The following RHOT2 variants were observed in gnomAD, a reference collection of about 807,000 sequenced individuals.
The protein encoded by RHOT2 is mitochondrial Rho GTPase 2.
RHOT2 carries 90 observed loss-of-function variants against 81.6 expected under a neutral mutation model. The observed-to-expected ratio is 1.10, with a 90% CI of 0.93 to 1.31. The LOEUF is 1.31. Ranked by LOEUF, RHOT2 falls within the 40% of genes most tolerant of loss-of-function variation. The probability of loss-of-function intolerance (pLI) is 0.00; values close to 1 mark genes in which losing one functional copy is unlikely to be tolerated. For missense variants in RHOT2, 1,014 were observed against 841.9 expected (o/e 1.20, Z -2.53); for synonymous variants, 512 against 370.9 (o/e 1.38, Z -4.37).
chr16:672,991 G>T lies in RHOT2; in HGVS notation c.1591G>T (p.Gly531Cys). The change falls in exon 18 of 19, where the codon GGT becomes TGT. Residue 531 changes from glycine (G) to cysteine (C), a missense_variant. Coordinates refer to ENST00000315082, the MANE Select transcript of RHOT2 (RefSeq NM_138769.3). ...CTCCTCCAAGGCCGACCTGCCCGAA[G>T]GTGTCGCGGTGTCTGGCCCATCACC... ...FVSSKADLPE[G>C]VAVSGPSPAE... 4 of 1,612,746 alleles carry T rather than the reference G, an allele frequency of 2.5e-6. No homozygotes were observed. In the South Asian group the frequency reaches 4.4e-5, roughly 18 times the overall value.
In RHOT2 at chr16:670,719, C is replaced by G. The variant is rs1253278657; in HGVS notation, c.585C>G (p.Leu195=). ...CAQALTRIFR[L]SDQDLDQALS... ...AGGCGCTGACGCGCATCTTCAGGCT[C>G]TCAGATCAGGACCTGGACCAGGCGC... The change falls in exon 9 of 19, where the codon CTC becomes CTG. Residue 195 remains leucine (L), a synonymous_variant. Coordinates refer to ENST00000315082, the MANE Select transcript of RHOT2 (RefSeq NM_138769.3). 1 of 1,612,484 alleles carries G rather than the reference C, an allele frequency of 6.2e-7. No individual in the cohort carries two copies. Among genetic ancestry groups the G allele is most frequent in the Non-Finnish European group, 8.5e-7 (1 of 1,179,940 alleles).
In RHOT2 at chr16:670,533, C is replaced by G. The variant is rs144553369; in HGVS notation, c.516C>G (p.Pro172=). The change falls in exon 8 of 19, where the codon CCC becomes CCG. Residue 172 remains proline (P), a synonymous_variant. Coordinates refer to ENST00000315082, the MANE Select transcript of RHOT2 (RefSeq NM_138769.3). ...AQKAVLHPTA[P]LYDPEAKQLR... is the part of the protein sequence containing the mutation. ...AGGCCGTCCTGCATCCCACAGCCCC[C>G]CTCTATGACCCTGAGGCCAAGCAGG... The G allele has an allele frequency of 1.5e-5, 24 of 1,607,184 alleles. No individual in the cohort carries two copies. Among genetic ancestry groups the G allele is most frequent in the South Asian group, 2.2e-5 (2 of 90,270 alleles).
At chr16:669,059 G>C (rs2038438014) in intron 4 of RHOT2, 1 of 411,968 alleles carries the variant, frequency 2.4e-6, no homozygotes, top group African/African-American at 2.1e-5. Flanking sequence ...CAGAGCACGT[G>C]TGCCGGGGAC....
Position 670,752 on chromosome 16 carries a change from C to T in RHOT2, c.618C>T (p.Asp206=), listed in dbSNP as rs530042364. The T allele has an allele frequency of 3.1e-6, 5 of 1,612,170 alleles. No homozygotes were observed. Among genetic ancestry groups the T allele is most frequent in the South Asian group, 2.2e-5 (2 of 91,086 alleles). ...AGGACCTGGACCAGGCGCTCAGTGA[C>T]GAAGAGCTCAACGCTTTCCAGGTGT... is the stretch of plus-strand genomic sequence containing the variant. The part of the protein sequence containing the change: ...SDQDLDQALS[D]EELNAFQKSC... Residue 206 remains aspartate (D), a synonymous_variant, in exon 9 of 19, where the codon GAC becomes GAT. Coordinates refer to ENST00000315082, the MANE Select transcript of RHOT2 (RefSeq NM_138769.3).
Position 672,303 on chromosome 16 carries a change from C to CGTCCTCCTGTGCAAG in RHOT2, c.1248_1262dup (p.Leu417_Val421dup). On this transcript the variant is annotated inframe_insertion, in exon 15 of 19. Transcript: ENST00000315082. ...AGGAGAAGGGACAGACGCAGCGGAGCGTCCTCCTGTGCAAGGTGGTAGGGG... is the reference window on the plus strand; with the variant it reads ...AGGAGAAGGGACAGACGCAGCGGAGCGTCCTCCTGTGCAAGGTCCTCCTGTGCAAGGTGGTAGGGG... The CGTCCTCCTGTGCAAG allele has an allele frequency of 6.2e-7, 1 of 1,612,352 alleles. No homozygotes were observed. Among genetic ancestry groups the CGTCCTCCTGTGCAAG allele is most frequent in the East Asian group, 2.2e-5 (1 of 44,874 alleles).
chr16:673,088 G>A lies in RHOT2; in HGVS notation c.1688G>A (p.Ser563Asn), dbSNP rs1567263045. The part of the protein sequence containing the change: ...PFSCAGPAEP[S>N]TTIFTQLATM... ...TCCTGTGCTGGCCCAGCCGAGCCCA[G>A]CACCACCATCTTCACCCAGCTCGCC... Residue 563 changes from serine (S) to asparagine (N), a missense_variant, in exon 18 of 19, where the codon AGC becomes AAC. Physicochemically the swap from Ser to Asn is conservative, Grantham distance 46 (BLOSUM62 1). Coordinates refer to ENST00000315082, the MANE Select transcript of RHOT2 (RefSeq NM_138769.3). 3 of 1,611,726 alleles carry A rather than the reference G, an allele frequency of 1.9e-6. No homozygotes were observed. Among genetic ancestry groups the A allele is most frequent in the Non-Finnish European group, 2.5e-6 (3 of 1,179,930 alleles).
intron 11 of RHOT2, 57 bp downstream of exon 11, chr16:671,260 G>A (rs570317324): frequency 4.8e-5 from 72 of 1,507,812 alleles, no homozygotes; most frequent in Non-Finnish European, 5.9e-5. Context: ...GCTGACTGCC[G>A]ACTATCTCTC....
At position 669,776 on chromosome 16, in the gene RHOT2, C is replaced by A. The variant is rs183812221; in HGVS notation, c.276+170C>A. ...GCCCTCTCCTGTGATCCCACTTCCC[C>A]TGAGAGGGTCTGGGGCGTCCCGCAG... On this transcript the variant is annotated intron_variant, in intron 5 of 18. Coordinates refer to ENST00000315082, the MANE Select transcript of RHOT2 (RefSeq NM_138769.3). 684 of 694,454 alleles carry A rather than the reference C, an allele frequency of 9.8e-4. 7 individuals carry two copies. In the African/African-American group the frequency reaches 0.011, roughly 11 times the overall value. 43.0% of individuals were successfully genotyped at this position (694,454 alleles called of 1,614,324 possible).
chr16:673,105 C>G lies in RHOT2; in HGVS notation c.1705C>G (p.Gln569Glu), dbSNP rs2039253906. 1 of 1,611,484 alleles carries G rather than the reference C, an allele frequency of 6.2e-7. No homozygotes were observed. The highest frequency in any genetic ancestry group is 8.5e-7 in the Non-Finnish European group (1 of 1,179,890). The change falls in exon 18 of 19, where the codon CAG (glutamine) becomes GAG (glutamate). Residue 569 changes from glutamine (Q) to glutamate (E), a missense_variant. Gln to Glu is a conservative substitution (Grantham distance 29). Coordinates refer to ENST00000315082, the MANE Select transcript of RHOT2 (RefSeq NM_138769.3). Reference sequence around the variant, plus strand: ...CGAGCCCAGCACCACCATCTTCACCCAGCTCGCCACCATGGCCGCCTTCCC... The same window carrying G: ...CGAGCCCAGCACCACCATCTTCACCGAGCTCGCCACCATGGCCGCCTTCCC... ...PAEPSTTIFT[Q>E]LATMAAFPHL...
rs1308250655 is a variant in RHOT2, at chr16:670,763, A to G, written c.629A>G (p.Asn210Ser). 6 of 1,612,032 alleles carry G rather than the reference A, an allele frequency of 3.7e-6. No homozygotes were observed. Among genetic ancestry groups the G allele is most frequent in the South Asian group, 2.2e-5 (2 of 91,080 alleles). Residue 210 changes from asparagine (N) to serine (S), a missense_variant, in exon 9 of 19, where the codon AAC (asparagine) becomes AGC (serine). Asn to Ser is a conservative substitution (Grantham distance 46, BLOSUM62 1). Transcript: ENST00000315082. ...LDQALSDEEL[N>S]AFQKSCFGHP... ...CAGGCGCTCAGTGACGAAGAGCTCA[A>G]CGCTTTCCAGGTGTGCCCCTGCCCC...
At chr16:672,437 G>A in intron 15 of RHOT2, 52 bp from the exon 16 acceptor site, 1 of 1,609,960 alleles carries the variant, frequency 6.2e-7, no homozygotes, top group Non-Finnish European at 8.5e-7. Flanking sequence ...GCAGGGCAGG[G>A]CAATCTGGGG....
Position 668,526 on chromosome 16 carries a change from C to T in RHOT2, c.135C>T (p.Asp45=), listed in dbSNP as rs1375269388. Residue 45 remains aspartate (D), a synonymous_variant, in exon 3 of 19, where the codon GAC becomes GAT. Transcript: ENST00000315082. ...CGGAGGAGATCACCATCCCCGCGGA[C>T]GTCACCCCGGAGAAGGTGCCCACCC... ...PRAEEITIPA[D]VTPEKVPTHI... The T allele has an allele frequency of 1.2e-6, 2 of 1,610,114 alleles. No homozygotes were observed. The highest frequency in any genetic ancestry group is 1.7e-6 in the Non-Finnish European group (2 of 1,178,890).
Position 671,202 on chromosome 16 carries a change from C to A in RHOT2, c.868C>A (p.Leu290Met). The part of the protein sequence containing the change: ...LELTADYLSP[L>M]IHVPPGCSTE... ...GCTGACTGCGGACTATCTCTCCCCT[C>A]TGTGAGTGATGCCGGGGCTTGAGGC... The change falls in exon 11 of 19, where the codon CTG becomes ATG. Residue 290 changes from leucine to methionine, a missense_variant and splice_region_variant. Physicochemically the swap from Leu to Met is conservative, Grantham distance 15. Coordinates refer to ENST00000315082, the MANE Select transcript of RHOT2 (RefSeq NM_138769.3). 7 of 1,547,462 alleles carry A rather than the reference C, an allele frequency of 4.5e-6. No individual in the cohort carries two copies. Among genetic ancestry groups the A allele is most frequent in the Non-Finnish European group, 6.1e-6 (7 of 1,145,172 alleles).
intron 15 of RHOT2, 38 bp downstream of exon 15, chr16:672,422 C>CA (rs1567257328): frequency 4.4e-6 from 7 of 1,606,932 alleles, no homozygotes; most frequent in Non-Finnish European, 5.9e-6. Context: ...CCAGGGGCTC[C>CA]AGGGGCAGGG....
In RHOT2 at chr16:670,756, G is replaced by A; in HGVS notation, c.622G>A (p.Glu208Lys). 6.2e-7 allele frequency: 1 copy of A among 1,612,250 alleles called. No homozygotes were observed. Among genetic ancestry groups the A allele is most frequent in the Non-Finnish European group, 8.5e-7 (1 of 1,179,932 alleles). The change falls in exon 9 of 19, where the codon GAG (glutamate) becomes AAG (lysine). Residue 208 changes from glutamate (E) to lysine (K), a missense_variant. Glu to Lys is a moderately conservative substitution (Grantham distance 56). Transcript: ENST00000315082. ...CCTGGACCAGGCGCTCAGTGACGAA[G>A]AGCTCAACGCTTTCCAGGTGTGCCC... Reference protein sequence around the residue: ...QDLDQALSDEELNAFQKSCFG... With the variant: ...QDLDQALSDEKLNAFQKSCFG...
In RHOT2 at chr16:668,694, C is replaced by T. The variant is rs772340128; in HGVS notation, c.217C>T (p.His73Tyr). The change falls in exon 4 of 19, where the codon CAC becomes TAC. Residue 73 changes from histidine to tyrosine, a missense_variant. Transcript: ENST00000315082. Reference sequence around the variant, plus strand: ...GGACGAGGAGCTGCGGGAGGAGATCCACAAGGTACCCGTGGTGCGCGGGAC... The same window carrying T: ...GGACGAGGAGCTGCGGGAGGAGATCTACAAGGTACCCGTGGTGCGCGGGAC... ...QTDEELREEI[H>Y]KANVVCVVYD... 1.9e-6 allele frequency: 3 copies of T among 1,600,984 alleles called. No individual in the cohort carries two copies. The highest frequency in any genetic ancestry group is 2.2e-5 in the South Asian group (2 of 89,406).
rs1010822907 is a variant in RHOT2 at position 670,443 on chromosome 16, C to G, written c.439-13C>G. 3 of 1,605,340 alleles carry G rather than the reference C, an allele frequency of 1.9e-6. No homozygotes were observed. The highest frequency in any genetic ancestry group is 2.6e-6 in the Non-Finnish European group (3 of 1,175,700). The stretch of plus-strand genomic sequence containing the variant: ...CTCGGGGCACTTCCCTGAGGCTGTT[C>G]CCACTTTCCCAGTGTTCGGCCAAGA... On this transcript the variant is annotated splice_polypyrimidine_tract_variant and intron_variant, in intron 7 of 18. Transcript: ENST00000315082.
chr16:671,648 G>A, intron 11 of RHOT2, 49 bp from the exon 12 acceptor site: 1 of 1,569,462 alleles, frequency 6.4e-7, no homozygotes, highest in South Asian at 1.1e-5. Flanking sequence ...GGCTGAGCGT[G>A]GTGCTGCAGA....
In RHOT2 at chr16:672,940, G is replaced by C. The variant is rs750261510; in HGVS notation, c.1540G>C (p.Asp514His). 4 of 1,612,792 alleles carry C rather than the reference G, an allele frequency of 2.5e-6. No individual in the cohort carries two copies. In the South Asian group the frequency reaches 3.3e-5, roughly 13 times the overall value. Residue 514 changes from aspartate to histidine, a missense_variant, in exon 18 of 19, where the codon GAC (aspartate) becomes CAC (histidine). Physicochemically the swap from Asp to His is moderately conservative, Grantham distance 81. Coordinates refer to ENST00000315082, the MANE Select transcript of RHOT2 (RefSeq NM_138769.3). ...CASVYKHHYM[D>H]GQTPCLFVSS... The stretch of plus-strand genomic sequence containing the variant: ...TCTCTGCCCACAGCACCATTACATG[G>C]ACGGGCAGACCCCCTGCCTCTTTGT...
Sources: allele counts gnomAD v4.1 joint callset, GRCh38; gene constraint gnomAD v4.1.1; transcripts MANE v1.5; gene names NCBI Gene and HGNC (gene_info 2026-07-23, HGNC 2026-07-21).